HDHD5: variants seen among roughly 807,000 people sequenced by gnomAD.
HDHD5 encodes haloacid dehalogenase-like hydrolase domain-containing 5.
HDHD5 carries 34 observed loss-of-function variants against 35.5 expected under a neutral mutation model. The ratio of observed to expected loss-of-function variants is 0.96; its 90% CI spans 0.73 to 1.28. HDHD5 has a LOEUF of 1.28. Among genes scored for constraint, HDHD5 ranks in the 50% most tolerant of loss-of-function variants. HDHD5 has a pLI of 0.00. For synonymous variants in HDHD5, 248 were observed against 240.6 expected (o/e 1.03, Z -0.29); for missense variants, 589 against 560.2 (o/e 1.05, Z -0.52).
Position 17,138,651 on chromosome 22 carries a change from G to A in HDHD5, c.834C>T (p.Gly278=), listed in dbSNP as rs1220359694. Residue 278 remains glycine, a synonymous_variant, in exon 7 of 8, where the codon GGC becomes GGT. Coordinates refer to ENST00000336737, the MANE Select transcript of HDHD5 (RefSeq NM_033070.3). ...GKELRYEGLM[G]KPSILTYQYA... The stretch of plus-strand genomic sequence containing the variant: ...ACTGGTAAGTGAGGATGCTGGGTTT[G>A]CCCATCAGGCCCTCGTATCTCAGCT... 6.2e-7 allele frequency: 1 copy of A among 1,614,132 alleles called. No homozygotes were observed. The highest frequency in any genetic ancestry group is 8.5e-7 in the Non-Finnish European group (1 of 1,180,044).
intron 5 of HDHD5, 134 bp downstream of exon 5, chr22:17,142,964 C>A (rs2061615313): frequency 5.9e-6 from 5 of 844,214 alleles, no homozygotes; most frequent in Non-Finnish European, 7.4e-6. Context: ...AGATCCAGAC[C>A]AGAGCCCAGG....
intron 3 of HDHD5, among the ~76,000 whole-genome samples, chr22:17,145,850 A>G (rs1301058562): frequency 1.3e-5 from 2 of 152,060 alleles, no homozygotes; most frequent in African/African-American, 2.4e-5. Flanking sequence ...GTAGGGCTGG[A>G]GCTAAAATCT....
chr22:17,141,552 A>AT, intron 5 of HDHD5: 1 of 1,154,980 alleles, frequency 8.7e-7, no homozygotes, highest in Non-Finnish European at 1.1e-6. Context: ...CTGCCACCAC[A>AT]TTCTCCCTCA....
chr22:17,154,905 G>A (rs1210938750), intron 1 of HDHD5, among the ~76,000 whole-genome samples: 1 of 151,838 alleles, frequency 6.6e-6, no homozygotes, highest in Non-Finnish European at 1.5e-5. Context: ...GATTACAGGT[G>A]TGAGCCATGG....
At chr22:17,161,698 T>C (rs968219615), upstream of HDHD5, among the ~76,000 whole-genome samples, 2 of 151,090 alleles carry the variant, frequency 1.3e-5, no homozygotes, top group African/African-American at 4.9e-5. Flanking sequence ...CAAAACCTTG[T>C]CTCCACAAAA....
chr22:17,156,469 G>A (rs1434169531), intron 1 of HDHD5, among the ~76,000 whole-genome samples: 4 of 151,408 alleles, frequency 2.6e-5, no homozygotes, highest in Non-Finnish European at 5.9e-5. Context: ...AAAATTAGCC[G>A]GGCGTGGTGG....
intron 1 of HDHD5, among the ~76,000 whole-genome samples, chr22:17,155,307 G>A (rs976533458): frequency 4.7e-5 from 7 of 149,848 alleles, no homozygotes; most frequent in African/African-American, 9.9e-5. Flanking sequence ...GTGCAGTGGT[G>A]CAATCTCGAC....
intron 3 of HDHD5, among the ~76,000 whole-genome samples, chr22:17,146,243 G>A (rs894512172): frequency 2.0e-5 from 3 of 152,014 alleles, no homozygotes; most frequent in Admixed American, 6.5e-5. Context: ...ACCCCTCCAA[G>A]AAGCCACAGG....
chr22:17,141,184 C>T lies in HDHD5; in HGVS notation c.621G>A (p.Leu207=). 1 of 1,597,864 alleles carries T rather than the reference C, an allele frequency of 6.3e-7. No individual in the cohort carries two copies. The highest frequency in any genetic ancestry group is 8.5e-7 in the Non-Finnish European group (1 of 1,172,898). The change falls in exon 6 of 8, where the codon CTG becomes CTA. Residue 207 remains leucine, a synonymous_variant. Transcript: ENST00000336737. ...EPVRWETSLQ[L]IMDVLLSNGS... is the part of the protein sequence containing the mutation. Reference sequence around the variant, plus strand: ...CATTGCTGAGGAGGACATCCATGATCAGCTGCAGGCTGGTCTCCCAGCGGA... The same window carrying T: ...CATTGCTGAGGAGGACATCCATGATTAGCTGCAGGCTGGTCTCCCAGCGGA...
chr22:17,161,933 T>C (rs1159654902), upstream of HDHD5, among the ~76,000 whole-genome samples: 1 of 150,558 alleles, frequency 6.6e-6, no homozygotes, highest in Admixed American at 6.6e-5. Flanking sequence ...TCCCATTGAG[T>C]GTGGGCTGGA....
At position 17,137,748 on chromosome 22, in the gene HDHD5, CAG is replaced by C; in HGVS notation, c.*271_*272del. 2.3e-6 allele frequency: 1 copy of C among 429,632 alleles called. No individual in the cohort carries two copies. Among genetic ancestry groups the C allele is most frequent in the Non-Finnish European group, 4.2e-6 (1 of 236,168 alleles). 26.6% of individuals were successfully genotyped at this position (429,632 alleles called of 1,614,324 possible). On this transcript the variant is annotated 3_prime_UTR_variant, in exon 8 of 8. Coordinates refer to ENST00000336737, the MANE Select transcript of HDHD5 (RefSeq NM_033070.3). Reference sequence around the variant, plus strand: ...GAAATGAGAAGGACACTGAGGCACACAGGGGAAGAGAATGGCCTGAGGTTAGA... The same window carrying C: ...GAAATGAGAAGGACACTGAGGCACACGGGAAGAGAATGGCCTGAGGTTAGA...
intron 1 of HDHD5, among the ~76,000 whole-genome samples, chr22:17,150,690 T>C (rs1010922056): frequency 4.6e-5 from 7 of 152,160 alleles, no homozygotes; most frequent in African/African-American, 1.7e-4. Flanking sequence ...ACCTAATATT[T>C]GTATTTTTAG....
chr22:17,141,869 A>G (rs1037039625), intron 5 of HDHD5: 1 of 152,582 alleles, frequency 6.6e-6, no homozygotes, highest in Non-Finnish European at 1.5e-5. Flanking sequence ...TGCTGACACT[A>G]AGGTACAGGG....
chr22:17,156,988 G>C (rs5748916), intron 1 of HDHD5, among the ~76,000 whole-genome samples: 1 of 150,952 alleles, frequency 6.6e-6, no homozygotes, highest in South Asian at 2.1e-4. Context: ...TGAGGCAGGC[G>C]AATCACTTGA....
chr22:17,158,324 A>G (rs2061823773), intron 1 of HDHD5: 1 of 152,202 alleles, frequency 6.6e-6, no homozygotes, highest in Non-Finnish European at 1.5e-5. Context: ...TAAAAAAAAA[A>G]AATGCAAGGA....
chr22:17,138,488 T>C lies in HDHD5; in HGVS notation c.935+62A>G, dbSNP rs2244682. ...AGATATAGGGAAATGGGGGTGAGAG[T>C]AGAGGAGGAGGGAGAGAAGGGGATG... On this transcript the variant is annotated intron_variant, in intron 7 of 7. Transcript: ENST00000336737. 0.25 allele frequency: 389,488 copies of C among 1,557,360 alleles called. 53,314 individuals carry two copies. Among genetic ancestry groups the C allele is most frequent in the East Asian group, 0.49 (21,767 of 44,398 alleles).
chr22:17,148,028 G>A (rs116779448), intron 3 of HDHD5, among the ~76,000 whole-genome samples: 2,217 of 152,294 alleles, frequency 0.015, 51 homozygotes, highest in African/African-American at 0.05. Context: ...ACAGGCTCCC[G>A]GTAGCTGCTT....
chr22:17,138,585 G>GC lies in HDHD5; in HGVS notation c.899dup (p.Trp301LeufsTer13). The stretch of plus-strand genomic sequence containing the variant: ...AGAGCTTCCGGATGGGGGCGGCCCA[G>GC]CCCCGCCTCTCCGCCTGTCGCCTGA... On this transcript the variant is annotated frameshift_variant, in exon 7 of 8. Coordinates refer to ENST00000336737, the MANE Select transcript of HDHD5 (RefSeq NM_033070.3). LOFTEE classifies it low-confidence loss of function (END_TRUNC). The GC allele has an allele frequency of 6.2e-7, 1 of 1,614,138 alleles. No individual in the cohort carries two copies. Among genetic ancestry groups the GC allele is most frequent in the Non-Finnish European group, 8.5e-7 (1 of 1,179,998 alleles).
At position 17,137,870 on chromosome 22, in the gene HDHD5, C is replaced by T; in HGVS notation, c.*151G>A. 3.2e-6 allele frequency: 2 copies of T among 629,252 alleles called. No individual in the cohort carries two copies. Among genetic ancestry groups the T allele is most frequent in the South Asian group, 4.1e-5 (2 of 49,186 alleles). The allele number at this position is 629,252 out of a possible 1,614,324, so 39.0% of individuals were successfully genotyped here. Reference sequence around the variant, plus strand: ...AGGGAAAAAGAGTCACTGTCTTCTTCCAAGTGACCAGTAATGCCACACTCA... The same window carrying T: ...AGGGAAAAAGAGTCACTGTCTTCTTTCAAGTGACCAGTAATGCCACACTCA... On this transcript the variant is annotated 3_prime_UTR_variant, in exon 8 of 8. Transcript: ENST00000336737.
Sources: gnomAD v4.1 joint callset for allele counts (sites outside exome capture counted in the v4.1 genomes callset) on GRCh38, gnomAD v4.1.1 for gene constraint, MANE v1.5 for transcripts, NCBI Gene and HGNC (gene_info 2026-07-23, HGNC 2026-07-21) for gene names.